ALDH4A1: variants seen among roughly 807,000 people sequenced by gnomAD.
ALDH4A1 encodes aldehyde dehydrogenase 4 family member A1.
In ALDH4A1, 46 loss-of-function variants were observed where a neutral mutation model predicts 70.5. The ratio of observed to expected loss-of-function variants is 0.65; its 90% confidence interval spans 0.51 to 0.83. The LOEUF (loss-of-function observed/expected upper bound fraction) is 0.83. Among genes scored for constraint, ALDH4A1 ranks in the 40% least tolerant of loss-of-function variants. The pLI is 0.00. For missense variants in ALDH4A1, 749 were observed against 766.5 expected (o/e 0.98, Z 0.27); for synonymous variants, 323 against 324.3 (o/e 1.00, Z 0.04).
chr1:18,896,426 G>A (rs1935617173), intron 1 of ALDH4A1, among the ~76,000 whole-genome samples: 1 of 152,192 alleles, frequency 6.6e-6, no homozygotes, highest in South Asian at 2.1e-4. Flanking sequence ...GGTGAGGGGT[G>A]GCCAAGGACA....
At chr1:18,890,985 G>A in intron 1 of ALDH4A1, 2 of 791,478 alleles carry the variant, frequency 2.5e-6, no homozygotes, top group Non-Finnish European at 1.5e-6. Flanking sequence ...CCCCGGGAGG[G>A]CTGGCCCTGG....
intron 1 of ALDH4A1, among the ~76,000 whole-genome samples, chr1:18,899,171 G>C (rs1303060358): frequency 6.6e-6 from 1 of 152,256 alleles, no homozygotes; most frequent in Non-Finnish European, 1.5e-5. Flanking sequence ...TTCAAGAGCA[G>C]AGAATGTCTA....
chr1:18,877,229 G>T lies in ALDH4A1; in HGVS notation c.1164C>A (p.Phe388Leu). 6.2e-7 allele frequency: 1 copy of T among 1,608,622 alleles called. No individual in the cohort carries two copies. Among genetic ancestry groups the T allele is most frequent in the Non-Finnish European group, 8.5e-7 (1 of 1,177,400 alleles). ...GDPAEDFGTFFSAVIDAKSFA... is the reference protein window; with the variant it reads ...GDPAEDFGTFLSAVIDAKSFA... ...GTACCTTGGCATCAATCACTGCAGA[G>T]AAGAAGGTCCCAAAATCCTCTGCAG... Residue 388 changes from phenylalanine to leucine, a missense_variant, in exon 11 of 15, where the codon TTC (phenylalanine) becomes TTA (leucine). Transcript: ENST00000375341.
intron 13 of ALDH4A1, among the ~76,000 whole-genome samples, chr1:18,874,874 G>C (rs557167552): frequency 7.2e-5 from 11 of 152,158 alleles, no homozygotes; most frequent in African/African-American, 2.7e-4. Flanking sequence ...CAGGAGCAGC[G>C]GAAACTCCAG....
chr1:18,889,261 C>T (rs2100591402), intron 3 of ALDH4A1, 101 bp downstream of exon 3: 2 of 1,097,498 alleles, frequency 1.8e-6, no homozygotes, highest in South Asian at 2.7e-5. Context: ...ACTATAAAGG[C>T]CTTGAAGTCA....
chr1:18,879,900 C>T (rs866151605), intron 8 of ALDH4A1, among the ~76,000 whole-genome samples: 1 of 152,184 alleles, frequency 6.6e-6, no homozygotes, highest in Non-Finnish European at 1.5e-5. Context: ...TGGAGGGCCT[C>T]GCCTCCTCCC....
chr1:18,892,389 G>A (rs1241144922), intron 1 of ALDH4A1, among the ~76,000 whole-genome samples: 3 of 152,164 alleles, frequency 2.0e-5, no homozygotes, highest in Non-Finnish European at 4.4e-5. Context: ...GTGAGGCCTG[G>A]TCAGGAAATA....
chr1:18,890,790 G>T (rs1935405715), intron 1 of ALDH4A1: 27 of 985,288 alleles, frequency 2.7e-5, no homozygotes, highest in Non-Finnish European at 3.3e-5. Context: ...CACAAGGCAG[G>T]CTTTATCCCA....
In ALDH4A1 at chr1:18,872,901, C is replaced by A. The variant is rs746685696; in HGVS notation, c.1636G>T (p.Val546Phe). ...AGGGGCTTATGTGTCTCCTTGATGA[C>A]CTGCGGCGACGTCCAGCGCAGGATG... ...HYILRWTSPQ[V>F]IKETHKPLGD... The change falls in exon 15 of 15, where the codon GTC becomes TTC. Residue 546 changes from valine to phenylalanine, a missense_variant. Val to Phe is a conservative substitution (Grantham distance 50). Transcript: ENST00000375341. The A allele has an allele frequency of 4.3e-6, 7 of 1,613,976 alleles. No individual in the cohort carries two copies. The African/African-American group carries it at 8.0e-5, about 18-fold the overall frequency.
chr1:18,884,295 CAT>C (rs1364846394), intron 5 of ALDH4A1, among the ~76,000 whole-genome samples: 3 of 152,208 alleles, frequency 2.0e-5, no homozygotes, highest in African/African-American at 7.2e-5. Context: ...GAGGGGCTGT[CAT>C]ACCAGCTCTG....
chr1:18,889,957 G>T (rs1392719701), intron 2 of ALDH4A1, 55 bp downstream of exon 2: 1 of 1,415,746 alleles, frequency 7.1e-7, no homozygotes, highest in Non-Finnish European at 9.7e-7. Context: ...GGCTGCTGGG[G>T]ATGGCCTCTG....
intron 8 of ALDH4A1, among the ~76,000 whole-genome samples, chr1:18,879,774 C>T (rs1197974273): frequency 6.6e-6 from 1 of 152,178 alleles, no homozygotes; most frequent in Non-Finnish European, 1.5e-5. Flanking sequence ...TGGCAGGGAA[C>T]AGACCCCGCT....
intron 8 of ALDH4A1, 114 bp from the exon 9 acceptor site, chr1:18,879,487 C>T (rs1934876471): frequency 2.2e-6 from 2 of 891,460 alleles, no homozygotes; most frequent in South Asian, 2.8e-5. Context: ...GGAGCCAAGT[C>T]GGGGATGGCG....
At chr1:18,892,783 C>T (rs1375190510) in intron 1 of ALDH4A1, among the ~76,000 whole-genome samples, 4 of 152,074 alleles carry the variant, frequency 2.6e-5, no homozygotes, top group Non-Finnish European at 5.9e-5. Context: ...AGCCAGTTTC[C>T]CTCCCTCCCT....
intron 1 of ALDH4A1, among the ~76,000 whole-genome samples, chr1:18,892,940 G>T (rs1245411573): frequency 6.6e-6 from 1 of 152,190 alleles, no homozygotes; most frequent in Admixed American, 6.5e-5. Context: ...AAGGGACAAG[G>T]CAGTGTCAAT....
chr1:18,879,364 T>C lies in ALDH4A1; in HGVS notation c.876A>G (p.Lys292=), dbSNP rs775591571. ...TCTGGGCCACCTGCTTCCACAGGTG[T>C]TTGAAGGTGCTGGAACCACAGGAGA... ...INFTGSVPTF[K]HLWKQVAQNL... Residue 292 remains lysine, a synonymous_variant, in exon 9 of 15, where the codon AAA becomes AAG. Coordinates refer to ENST00000375341, the MANE Select transcript of ALDH4A1 (RefSeq NM_003748.4). The C allele has an allele frequency of 4.4e-5, 71 of 1,610,678 alleles. No homozygotes were observed. The South Asian group carries it at 6.1e-4, about 14-fold the overall frequency.
At chr1:18,882,985 C>T (rs893594156) in intron 7 of ALDH4A1, 139 bp downstream of exon 7, 20 of 1,158,254 alleles carry the variant, frequency 1.7e-5, no homozygotes, top group Admixed American at 3.8e-5. Flanking sequence ...AGCCTACCCA[C>T]AGCCCCAAGC....
chr1:18,876,873 A>G (rs1446928005), intron 11 of ALDH4A1, among the ~76,000 whole-genome samples: 1 of 152,178 alleles, frequency 6.6e-6, no homozygotes, highest in Non-Finnish European at 1.5e-5. Context: ...GTGCAAATGG[A>G]TATGTACGTG....
intron 5 of ALDH4A1, 46 bp downstream of exon 5, chr1:18,885,427 T>TCCCCCCCCCCCC: frequency 1.5e-6 from 1 of 650,920 alleles, no homozygotes; most frequent in Non-Finnish European, 2.7e-6. Context: ...CACACCTGAC[T>TCCCCCCCCCCCC]CCCACCCCAC....
Sources: gnomAD v4.1 joint callset for allele counts (sites outside exome capture counted in the v4.1 genomes callset) on GRCh38, gnomAD v4.1.1 for gene constraint, MANE v1.5 for transcripts, NCBI Gene and HGNC (gene_info 2026-07-23, HGNC 2026-07-21) for gene names.